Variants in MEMO1 observed in about 807,000 individuals in gnomAD.
The protein encoded by MEMO1 is mediator of cell motility 1.
A neutral mutation model predicts 45.2 loss-of-function variants in MEMO1; 6 were observed. The observed-to-expected ratio is 0.13, with a 90% CI of 0.07 to 0.26. The LOEUF is 0.26. Among genes scored for constraint, MEMO1 ranks in the 10% least tolerant of loss-of-function variants. The pLI, the probability that MEMO1 is intolerant of heterozygous loss-of-function variation, is 1.00. For missense variants in MEMO1, 184 were observed against 370.5 expected (o/e 0.50, Z 4.13); for synonymous variants, 78 against 124.3 (o/e 0.63, Z 2.48).
chr2:31,963,967 A>G lies in MEMO1; in HGVS notation c.62-20584T>C, dbSNP rs1252833137. The stretch of plus-strand genomic sequence containing the variant: ...ATTTCATTGATTATATGTTGAAATA[A>G]TAACATTGTGGATATACTGGGTCAA... On this transcript the variant is annotated intron_variant, in intron 2 of 9. Coordinates refer to ENST00000404530, the MANE Select transcript of MEMO1 (RefSeq NM_001301833.4). Among the ~76,000 whole-genome samples, 7 of 152,254 alleles carry G rather than the reference A, an allele frequency of 4.6e-5. No homozygotes were observed. In the East Asian group the frequency reaches 1.3e-3, roughly 29 times the overall value.
intron 2 of MEMO1, among the ~76,000 whole-genome samples, chr2:31,979,486 T>C (rs184778222): frequency 2.3e-4 from 35 of 152,274 alleles, no homozygotes; most frequent in Non-Finnish European, 3.2e-4. Context: ...TAATTACATA[T>C]ATTAAGTAAA....
intron 2 of MEMO1, among the ~76,000 whole-genome samples, chr2:31,996,382 T>C (rs1172013193): frequency 6.6e-6 from 1 of 152,042 alleles, no homozygotes; most frequent in African/African-American, 2.4e-5. Context: ...ACCCCATCTC[T>C]ACTAAAAACA....
At chr2:31,999,412 C>G (rs537627351) in intron 2 of MEMO1, among the ~76,000 whole-genome samples, 2 of 152,240 alleles carry the variant, frequency 1.3e-5, no homozygotes, top group Non-Finnish European at 2.9e-5. Flanking sequence ...CCTGTAATCC[C>G]AGCACTCTGG....
At position 31,920,852 on chromosome 2, in the gene MEMO1, A is replaced by G; in HGVS notation, c.271T>C (p.Ser91Pro). The G allele has an allele frequency of 6.2e-7, 1 of 1,612,432 alleles. No homozygotes were observed. Among genetic ancestry groups the G allele is most frequent in the South Asian group, 1.1e-5 (1 of 90,998 alleles). The stretch of plus-strand genomic sequence containing the variant: ...GGTGTCCTATATATATCCACACTGG[A>G]AAGTGCACATCGAGAGAGGGGCACA... ...HHVPLSRCALSSVDIYRTPLY... is the reference protein window; with the variant it reads ...HHVPLSRCALPSVDIYRTPLY... Residue 91 changes from serine to proline, a missense_variant, in exon 5 of 10, where the codon TCC (serine) becomes CCC (proline). Physicochemically the swap from Ser to Pro is moderately conservative, Grantham distance 74. Coordinates refer to ENST00000404530, the MANE Select transcript of MEMO1 (RefSeq NM_001301833.4).
At chr2:31,967,340 T>G (rs1390288295) in intron 2 of MEMO1, among the ~76,000 whole-genome samples, 3 of 152,084 alleles carry the variant, frequency 2.0e-5, no homozygotes, top group Non-Finnish European at 4.4e-5. Flanking sequence ...TTAGCCAGGA[T>G]GTCTCGATCT....
chr2:31,972,817 G>C (rs1424189994), intron 2 of MEMO1, among the ~76,000 whole-genome samples: 1 of 152,098 alleles, frequency 6.6e-6, no homozygotes, highest in Admixed American at 6.6e-5. Flanking sequence ...AACAACAAAA[G>C]AGACAACCCA....
chr2:31,909,334 T>A (rs1043588790), intron 6 of MEMO1, among the ~76,000 whole-genome samples: 24 of 152,328 alleles, frequency 1.6e-4, no homozygotes, highest in African/African-American at 5.5e-4. Context: ...TGTTTGCAGG[T>A]GACATGGTCT....
chr2:31,924,327 A>C (rs1682764287), intron 4 of MEMO1, among the ~76,000 whole-genome samples: 1 of 152,156 alleles, frequency 6.6e-6, no homozygotes, highest in Admixed American at 6.5e-5. Flanking sequence ...TTTGAAGAGA[A>C]ATAAATAATA....
At chr2:31,887,189 CTGTT>C (rs1676304634) in intron 7 of MEMO1, among the ~76,000 whole-genome samples, 1 of 152,110 alleles carries the variant, frequency 6.6e-6, no homozygotes, top group Non-Finnish European at 1.5e-5. Flanking sequence ...CCAGGGATGT[CTGTT>C]TAACACACAA....
At chr2:31,984,915 A>G (rs1234699234) in intron 2 of MEMO1, among the ~76,000 whole-genome samples, 1 of 152,266 alleles carries the variant, frequency 6.6e-6, no homozygotes, top group African/African-American at 2.4e-5. Flanking sequence ...TTTAGTTTTA[A>G]TAAATGTACC....
intron 2 of MEMO1, among the ~76,000 whole-genome samples, chr2:31,981,743 T>C (rs1438411936): frequency 6.6e-6 from 1 of 152,226 alleles, no homozygotes; most frequent in Non-Finnish European, 1.5e-5. Flanking sequence ...CACAGGATCT[T>C]GTTTGAAAAC....
At chr2:31,878,517 A>T (rs1222682877) in intron 8 of MEMO1, among the ~76,000 whole-genome samples, 1 of 152,180 alleles carries the variant, frequency 6.6e-6, no homozygotes, top group Non-Finnish European at 1.5e-5. Context: ...AAAGCCTATG[A>T]GTAGAACAGG....
chr2:31,949,968 C>G (rs1035995987), intron 2 of MEMO1, among the ~76,000 whole-genome samples: 1 of 152,024 alleles, frequency 6.6e-6, no homozygotes. Flanking sequence ...TTGGGTGCAC[C>G]ATTATTTTAA....
intron 7 of MEMO1, 108 bp downstream of exon 7, chr2:31,891,884 T>C (rs1423569173): frequency 3.2e-5 from 38 of 1,198,800 alleles, no homozygotes; most frequent in Non-Finnish European, 4.3e-5. Flanking sequence ...GAAGTAAAAC[T>C]TTCCAAGGAA....
In MEMO1 at chr2:31,966,723, ACT is replaced by A. The variant is rs541337167; in HGVS notation, c.62-23342_62-23341del. ...ACTCCAGCCTGGGTAACAGAGCAAG[ACT>A]CTGTCTCAAAAAAAAAAAATGAAAA... On this transcript the variant is annotated intron_variant, in intron 2 of 9. Coordinates refer to ENST00000404530, the MANE Select transcript of MEMO1 (RefSeq NM_001301833.4). Among the ~76,000 whole-genome samples, 3 of 150,318 alleles carry A rather than the reference ACT, an allele frequency of 2.0e-5. No individual in the cohort carries two copies. The East Asian group carries it at 5.8e-4, about 29-fold the overall frequency.
At chr2:31,965,938 C>T (rs1200536614) in intron 2 of MEMO1, among the ~76,000 whole-genome samples, 1 of 152,100 alleles carries the variant, frequency 6.6e-6, no homozygotes, top group African/African-American at 2.4e-5. Flanking sequence ...CAAACCTGCA[C>T]ATCCTACACA....
chr2:31,996,218 GAA>G (rs935778769), intron 2 of MEMO1, among the ~76,000 whole-genome samples: 3 of 150,694 alleles, frequency 2.0e-5, no homozygotes, highest in African/African-American at 4.9e-5. Context: ...GAGAGAGAGA[GAA>G]AGAGAGAGAG....
At chr2:31,948,933 G>C (rs1383712327) in intron 2 of MEMO1, among the ~76,000 whole-genome samples, 1 of 152,060 alleles carries the variant, frequency 6.6e-6, no homozygotes, top group African/African-American at 2.4e-5. Flanking sequence ...CCTAATAATT[G>C]TATCAAAAAT....
At chr2:31,904,610 A>G (rs160800) in intron 6 of MEMO1, among the ~76,000 whole-genome samples, 152,205 of 152,298 alleles carry the variant, frequency 1, 76,056 homozygotes, top group Middle Eastern at 1. Flanking sequence ...TAATGCTGCC[A>G]CTGATCTCAC....
Sources: allele counts gnomAD v4.1 joint callset (sites outside exome capture counted in the v4.1 genomes callset), GRCh38; gene constraint gnomAD v4.1.1; transcripts MANE v1.5; gene names NCBI Gene and HGNC (gene_info 2026-07-23, HGNC 2026-07-21).